The following NR5A2 variants were observed in gnomAD, a reference collection of about 807,000 sequenced individuals.
The protein encoded by NR5A2 is nuclear receptor subfamily 5 group A member 2.
Under a neutral mutation model 62.7 loss-of-function variants are expected in NR5A2, and 26 were observed. That is an observed-to-expected ratio of 0.41 (90% CI 0.30 to 0.58). The LOEUF (loss-of-function observed/expected upper bound fraction) is 0.58. NR5A2 is among the 20% of genes least tolerant of loss of function. The probability of loss-of-function intolerance (pLI) is 0.22; values close to 1 mark genes in which losing one functional copy is unlikely to be tolerated. For synonymous variants in NR5A2, 246 were observed against 241.7 expected, an observed-to-expected ratio of 1.02 and a Z score of -0.16; for missense variants, 541 against 669.1, an observed-to-expected ratio of 0.81 and a Z score of 2.11.
At chr1:200,058,971 G>A (rs373411836) in intron 5 of NR5A2, among the ~76,000 whole-genome samples, 32 of 151,592 alleles carry the variant, frequency 2.1e-4, no homozygotes, top group South Asian at 4.2e-4. Context: ...TTAGCCCGGC[G>A]TGGTGGCACT....
chr1:200,037,657 T>G (rs1571694875), intron 1 of NR5A2, among the ~76,000 whole-genome samples: 1 of 152,184 alleles, frequency 6.6e-6, no homozygotes, highest in African/African-American at 2.4e-5. Flanking sequence ...ATCACAAAAA[T>G]TGGAGCTTTT....
At chr1:200,063,101 G>A (rs1325595996) in intron 5 of NR5A2, among the ~76,000 whole-genome samples, 2 of 151,018 alleles carry the variant, frequency 1.3e-5, no homozygotes, top group African/African-American at 2.4e-5. Context: ...TCGGCTCACT[G>A]CAACCCCTGC....
chr1:200,082,582 G>A (rs1294807548), intron 5 of NR5A2, among the ~76,000 whole-genome samples: 1 of 152,130 alleles, frequency 6.6e-6, no homozygotes, highest in African/African-American at 2.4e-5. Context: ...TGAATGAGAG[G>A]CAACAAATTA....
intron 5 of NR5A2, among the ~76,000 whole-genome samples, chr1:200,063,380 G>A (rs888119560): frequency 1.3e-5 from 2 of 151,954 alleles, no homozygotes; most frequent in African/African-American, 2.4e-5. Flanking sequence ...GGCTGGTCTC[G>A]AACTCCTGAC....
intron 7 of NR5A2, among the ~76,000 whole-genome samples, chr1:200,160,039 T>C (rs1213672778): frequency 6.6e-6 from 1 of 152,212 alleles, no homozygotes; most frequent in Admixed American, 6.5e-5. Flanking sequence ...CTGTCATCCA[T>C]GTCCCTTTTC....
Position 200,147,983 on chromosome 1 carries a change from G to C in NR5A2, c.1379-25980G>C, listed in dbSNP as rs1290259943. On this transcript the variant is annotated intron_variant, in intron 7 of 7. Transcript: ENST00000367362. The surrounding 1 kb of genome is among the most constrained non-coding windows in gnomAD (Gnocchi z 4.9). ...AGGCGATGCATCGGGCGGCCGCCTT[G>C]ACCTCCTCCCGCGAGCCGAAAACGC... 3.2e-6 allele frequency: 1 copy of C among 316,990 alleles called. No homozygotes were observed. Among genetic ancestry groups the C allele is most frequent in the Non-Finnish European group, 6.0e-6 (1 of 167,230 alleles). 19.6% of individuals were successfully genotyped at this position (316,990 alleles called of 1,614,324 possible).
intron 5 of NR5A2, among the ~76,000 whole-genome samples, chr1:200,078,230 A>G (rs917456590): frequency 1.3e-5 from 2 of 152,180 alleles, no homozygotes; most frequent in African/African-American, 4.8e-5. Flanking sequence ...TTGGTCCACT[A>G]AAGACTTCAA....
chr1:200,168,291 A>G (rs2102391690), intron 7 of NR5A2, among the ~76,000 whole-genome samples: 1 of 150,166 alleles, frequency 6.7e-6, no homozygotes, highest in East Asian at 2.0e-4. Flanking sequence ...AGCCTACTGT[A>G]CTTGAACTCC....
chr1:200,092,524 G>A (rs1342664231), intron 5 of NR5A2, among the ~76,000 whole-genome samples: 3 of 152,092 alleles, frequency 2.0e-5, no homozygotes, highest in South Asian at 2.1e-4. Flanking sequence ...GCTCATTGGC[G>A]CTTCCCTCCG....
chr1:200,131,991 G>C (rs1014638059), intron 7 of NR5A2, among the ~76,000 whole-genome samples: 2 of 152,110 alleles, frequency 1.3e-5, no homozygotes, highest in African/African-American at 4.8e-5. Flanking sequence ...CATTGTACTA[G>C]GCAAGCTATG....
chr1:200,056,584 G>A (rs530907146), intron 5 of NR5A2, among the ~76,000 whole-genome samples: 7 of 151,984 alleles, frequency 4.6e-5, no homozygotes, highest in African/African-American at 1.4e-4. Flanking sequence ...TGCTTTATTC[G>A]TTGAGTATAC....
chr1:200,173,935 GCTTTTT>G (rs1558183734), intron 7 of NR5A2, 22 bp from the exon 8 acceptor site: 1 of 1,072,886 alleles, frequency 9.3e-7, no homozygotes. Context: ...TTGAAATGTT[GCTTTTT>G]TTTTTTTTTT....
intron 5 of NR5A2, among the ~76,000 whole-genome samples, chr1:200,080,231 C>G (rs1447266701): frequency 2.6e-5 from 4 of 152,096 alleles, no homozygotes; most frequent in African/African-American, 9.7e-5. Flanking sequence ...TCAAATAGAA[C>G]TGGTCACTAG....
At chr1:200,112,923 G>GTTCTT (rs1008025243) in intron 6 of NR5A2, among the ~76,000 whole-genome samples, 5 of 151,996 alleles carry the variant, frequency 3.3e-5, no homozygotes, top group Admixed American at 2.0e-4. Context: ...GGTTTGTGCC[G>GTTCTT]TTCTTTTTCT....
At chr1:200,131,034 G>GAT (rs1463729039) in intron 7 of NR5A2, among the ~76,000 whole-genome samples, 1 of 152,176 alleles carries the variant, frequency 6.6e-6, no homozygotes, top group Non-Finnish European at 1.5e-5. Flanking sequence ...ATGCCTTGCT[G>GAT]ATATATATGC....
intron 3 of NR5A2, 45 bp from the exon 4 acceptor site, chr1:200,045,398 G>T: frequency 6.6e-7 from 1 of 1,504,672 alleles, no homozygotes; most frequent in Non-Finnish European, 9.0e-7. Context: ...GGAAAAGACG[G>T]GTGTTAGATT....
intron 6 of NR5A2, among the ~76,000 whole-genome samples, chr1:200,117,550 A>G (rs1417233528): frequency 6.6e-6 from 1 of 152,184 alleles, no homozygotes; most frequent in East Asian, 1.9e-4. Context: ...CTACATTTTC[A>G]CATATGAAAT....
chr1:200,162,042 G>A (rs1265082732), intron 7 of NR5A2, among the ~76,000 whole-genome samples: 1 of 152,172 alleles, frequency 6.6e-6, no homozygotes, highest in East Asian at 1.9e-4. Context: ...GCAAATATGT[G>A]GAAGATGTTC....
chr1:200,098,993 A>G (rs1665239371), intron 5 of NR5A2, among the ~76,000 whole-genome samples: 1 of 152,218 alleles, frequency 6.6e-6, no homozygotes, highest in Non-Finnish European at 1.5e-5. Flanking sequence ...CTCCATCTTC[A>G]ATTGCTACTA....
Sources: allele counts gnomAD v4.1 joint callset (sites outside exome capture counted in the v4.1 genomes callset), GRCh38; gene constraint gnomAD v4.1.1; non-coding constraint Gnocchi (gnomAD v3.1); transcripts MANE v1.5; gene names NCBI Gene and HGNC (gene_info 2026-07-23, HGNC 2026-07-21).